Variants in ASIC2 observed in about 807,000 individuals in gnomAD.
ASIC2 encodes acid sensing ion channel subunit 2.
Under a neutral mutation model 57.3 loss-of-function variants are expected in ASIC2, and 25 were observed. The observed-to-expected ratio is 0.44, with a 90% CI of 0.32 to 0.61. The LOEUF is 0.61. ASIC2 is among the 20% of genes least tolerant of loss of function. The pLI is 0.06. For synonymous variants in ASIC2, 319 were observed against 307.5 expected (o/e 1.04, Z -0.39); for missense variants, 641 against 738.1 (o/e 0.87, Z 1.52).
intron 3 of ASIC2, among the ~76,000 whole-genome samples, chr17:33,045,538 T>TG (rs1826682801): frequency 1.3e-5 from 2 of 152,166 alleles, no homozygotes; most frequent in East Asian, 1.9e-4. Flanking sequence ...GCTTGGCTAA[T>TG]GGGGGGCTGG....
Position 33,448,370 on chromosome 17 carries a change from G to A in ASIC2, c.556-336303C>T, listed in dbSNP as rs67527801. Among the ~76,000 whole-genome samples the A allele has an allele frequency of 8.7e-3, 1,326 of 152,282 alleles. 22 individuals carry two copies. The highest frequency in any genetic ancestry group is 0.03 in the African/African-American group (1,264 of 41,550). ...GGTCCTAATCCTTGGAACCTTGAAT[G>A]TTACTTTATATGGGAAAGATTTTGC... On this transcript the variant is annotated intron_variant, in intron 1 of 9. Coordinates refer to the ASIC2 transcript ENST00000359872.
At chr17:33,128,040 A>G (rs1482608496) in intron 1 of ASIC2, among the ~76,000 whole-genome samples, 1 of 152,192 alleles carries the variant, frequency 6.6e-6, no homozygotes, top group Admixed American at 6.5e-5. Context: ...ACATGCTGAC[A>G]TCTATGCTCA....
Position 34,055,791 on chromosome 17 carries a change from T to C in ASIC2, c.555+100187A>G, listed in dbSNP as rs148220131. 1.4e-3 allele frequency among the ~76,000 whole-genome samples: 215 copies of C among 152,368 alleles called. 1 individual carries two copies. The highest frequency in any genetic ancestry group is 4.9e-3 in the African/African-American group (203 of 41,596). On this transcript the variant is annotated intron_variant, in intron 1 of 9. Transcript: ENST00000359872. Reference sequence around the variant, plus strand: ...ATTAACTTGCTGATGGACATTTGGATTGTTCCCAATTTTTGGCTAATGTAA... The same window carrying C: ...ATTAACTTGCTGATGGACATTTGGACTGTTCCCAATTTTTGGCTAATGTAA...
chr17:33,080,544 TC>T (rs1299760360), intron 3 of ASIC2, among the ~76,000 whole-genome samples: 7 of 152,126 alleles, frequency 4.6e-5, no homozygotes, highest in African/African-American at 1.7e-4. Context: ...TGTTTTTTTT[TC>T]CTATATATAC....
intron 1 of ASIC2, among the ~76,000 whole-genome samples, chr17:33,915,748 G>A (rs1915569679): frequency 1.3e-5 from 2 of 152,202 alleles, no homozygotes; most frequent in Non-Finnish European, 2.9e-5. Flanking sequence ...GAAGAAACTG[G>A]AAAACTGACT....
intron 1 of ASIC2, among the ~76,000 whole-genome samples, chr17:33,365,539 T>C (rs1908776267): frequency 6.6e-6 from 1 of 152,216 alleles, no homozygotes. Flanking sequence ...GTTTAAGTCG[T>C]GAGTACCTGT....
At chr17:33,844,168 T>C (rs1188662802) in intron 1 of ASIC2, among the ~76,000 whole-genome samples, 1 of 152,222 alleles carries the variant, frequency 6.6e-6, no homozygotes, top group Non-Finnish European at 1.5e-5. Flanking sequence ...TACAGGTTAA[T>C]GTATTGGTGC....
At chr17:33,058,618 T>TC (rs1191211616) in intron 3 of ASIC2, among the ~76,000 whole-genome samples, 21 of 152,054 alleles carry the variant, frequency 1.4e-4, no homozygotes, top group Admixed American at 1.4e-3. Context: ...TCTATGACTG[T>TC]CAGCTGTCCA....
intron 1 of ASIC2, among the ~76,000 whole-genome samples, chr17:33,661,877 C>A (rs280038): frequency 0.37 from 56,068 of 151,880 alleles, 11,025 homozygotes; most frequent in South Asian, 0.48. Context: ...CACCATAGAA[C>A]TTACCTTGGT....
chr17:33,537,243 G>A (rs138188066), intron 1 of ASIC2, among the ~76,000 whole-genome samples: 42 of 152,224 alleles, frequency 2.8e-4, no homozygotes, highest in African/African-American at 9.6e-4. Context: ...TTGTTCTGGT[G>A]TCAGGGTCTC....
At chr17:34,058,315 T>G (rs1908845476) in intron 1 of ASIC2, among the ~76,000 whole-genome samples, 1 of 152,178 alleles carries the variant, frequency 6.6e-6, no homozygotes, top group Non-Finnish European at 1.5e-5. Flanking sequence ...GCCACCTCAC[T>G]GGGTCATCTC....
At chr17:33,877,029 T>C (rs949815267) in intron 1 of ASIC2, among the ~76,000 whole-genome samples, 1 of 152,210 alleles carries the variant, frequency 6.6e-6, no homozygotes, top group Non-Finnish European at 1.5e-5. Context: ...ACAATTACAA[T>C]AGGTAATAGA....
intron 1 of ASIC2, among the ~76,000 whole-genome samples, chr17:34,119,798 T>C (rs1417559756): frequency 1.3e-5 from 2 of 152,232 alleles, no homozygotes; most frequent in African/African-American, 2.4e-5. Flanking sequence ...CCGTCTGTTA[T>C]GATTGTAAAC....
intron 1 of ASIC2, among the ~76,000 whole-genome samples, chr17:33,458,215 A>G (rs954966040): frequency 1.4e-4 from 22 of 152,146 alleles, no homozygotes; most frequent in African/African-American, 5.3e-4. Context: ...GAAACTAAGA[A>G]ACTAAGAGGT....
At position 33,255,067 on chromosome 17, in the gene ASIC2, G is replaced by A. The variant is rs71377478; in HGVS notation, c.708+36341C>T. 7.9e-3 allele frequency among the ~76,000 whole-genome samples: 894 copies of A among 112,814 alleles called. 7 individuals are homozygous for A. Among genetic ancestry groups the A allele is most frequent in the African/African-American group, 0.031 (856 of 27,942 alleles). 74.0% of individuals were successfully genotyped at this position (112,814 alleles called of 152,430 possible). ...TTTTTTTTTTTTGGGACAGAGCCTC[G>A]CTCTGTTTGTTGCCCAGGCTGGAGT... On this transcript the variant is annotated intron_variant, in intron 1 of 9. Transcript: ENST00000225823.
chr17:33,437,019 C>T (rs1911646534), intron 1 of ASIC2, among the ~76,000 whole-genome samples: 1 of 150,638 alleles, frequency 6.6e-6, no homozygotes, highest in Non-Finnish European at 1.5e-5. Flanking sequence ...GCGCCCGCTA[C>T]CACGCCCGGC....
At chr17:33,202,196 C>T (rs1906895349) in intron 1 of ASIC2, among the ~76,000 whole-genome samples, 1 of 152,126 alleles carries the variant, frequency 6.6e-6, no homozygotes. Flanking sequence ...CAGCAGGTGG[C>T]ACAAACACCA....
intron 1 of ASIC2, among the ~76,000 whole-genome samples, chr17:33,161,613 T>C (rs1285521266): frequency 1.3e-5 from 2 of 152,216 alleles, no homozygotes; most frequent in Non-Finnish European, 2.9e-5. Context: ...GTAAGCTCTT[T>C]GAGGGCTGGG....
intron 1 of ASIC2, among the ~76,000 whole-genome samples, chr17:33,361,280 G>A (rs2141931203): frequency 6.6e-6 from 1 of 152,344 alleles, no homozygotes; most frequent in African/African-American, 2.4e-5. Flanking sequence ...ATTCATGTGG[G>A]ATGGTGGAGA....
Sources: gnomAD v4.1 joint callset for allele counts (sites outside exome capture counted in the v4.1 genomes callset) on GRCh38, gnomAD v4.1.1 for gene constraint, MANE v1.5 for transcripts, NCBI Gene and HGNC (gene_info 2026-07-23, HGNC 2026-07-21) for gene names.